TLK1: variants seen among roughly 807,000 people sequenced by gnomAD.
TLK1 encodes the protein tousled like kinase 1.
In TLK1, 24 loss-of-function variants were observed where a neutral mutation model predicts 105.3. The ratio of observed to expected loss-of-function variants is 0.23; its 90% CI spans 0.17 to 0.32. TLK1 has a LOEUF of 0.32. Among genes scored for constraint, TLK1 ranks in the 10% least tolerant of loss-of-function variants. The probability of loss-of-function intolerance (pLI) is 1.00; values close to 1 mark genes in which losing one functional copy is unlikely to be tolerated. For missense variants in TLK1, 558 were observed against 910.5 expected (o/e 0.61, Z 4.98); for synonymous variants, 321 against 310.4 (o/e 1.03, Z -0.36).
At chr2:171,042,115 G>A (rs896153754) in intron 11 of TLK1, among the ~76,000 whole-genome samples, 1 of 152,132 alleles carries the variant, frequency 6.6e-6, no homozygotes. Context: ...GGATAGAAAC[G>A]AAAGAAGACT....
At chr2:171,093,979 G>C (rs1223051335) in intron 2 of TLK1, among the ~76,000 whole-genome samples, 1 of 152,170 alleles carries the variant, frequency 6.6e-6, no homozygotes, top group Non-Finnish European at 1.5e-5. Flanking sequence ...AAGATCACCA[G>C]CCTAACCAGA....
intron 1 of TLK1, among the ~76,000 whole-genome samples, chr2:171,125,815 C>T (rs1177207928): frequency 1.3e-5 from 2 of 151,886 alleles, no homozygotes. Flanking sequence ...TTTGGTGCAC[C>T]CATCACCTGA....
At chr2:171,073,966 C>G (rs575940178) in intron 3 of TLK1, among the ~76,000 whole-genome samples, 71 of 148,462 alleles carry the variant, frequency 4.8e-4, no homozygotes, top group Admixed American at 9.6e-4. Context: ...TCTCGGCTCA[C>G]TGCAACCTTG....
chr2:171,142,676 A>G (rs1419812979), intron 1 of TLK1, among the ~76,000 whole-genome samples: 1 of 152,254 alleles, frequency 6.6e-6, no homozygotes, highest in Non-Finnish European at 1.5e-5. Flanking sequence ...ATTTGGGGAT[A>G]TTTTAACAAA....
rs547327144 is a variant in TLK1, at chr2:171,005,883, G to C, written c.1904+264C>G. 1.6e-4 allele frequency among the ~76,000 whole-genome samples: 25 copies of C among 152,222 alleles called. No homozygotes were observed. The South Asian group carries it at 5.2e-3, about 32-fold the overall frequency. ...GAAAACCCATGAATGAATTCTTCCT[G>C]TTAGGAGTTTCTGACTGGCAGGTAC... On this transcript the variant is annotated intron_variant, in intron 18 of 20. Coordinates refer to ENST00000431350, the MANE Select transcript of TLK1 (RefSeq NM_012290.5).
rs112505260 is a variant in TLK1, at chr2:171,111,647, G to A, written c.258+6092C>T. 2.3e-3 allele frequency among the ~76,000 whole-genome samples: 351 copies of A among 150,642 alleles called. 1 individual carries two copies. Among genetic ancestry groups the A allele is most frequent in the African/African-American group, 7.3e-3 (300 of 41,078 alleles). ...CCAGGCCAGGCCAAGACAGTTTTAC[G>A]TGTCTACTCATATTCTCATGAACAT... On this transcript the variant is annotated intron_variant, in intron 2 of 20. Transcript: ENST00000431350.
At chr2:171,029,308 A>G (rs1484719822) in intron 11 of TLK1, among the ~76,000 whole-genome samples, 2 of 152,190 alleles carry the variant, frequency 1.3e-5, no homozygotes, top group African/African-American at 2.4e-5. Context: ...AATAAGCAAG[A>G]TAAAAAAATG....
intron 1 of TLK1, among the ~76,000 whole-genome samples, chr2:171,142,969 G>A (rs1366074367): frequency 6.6e-6 from 1 of 152,164 alleles, no homozygotes; most frequent in Non-Finnish European, 1.5e-5. Flanking sequence ...AGCTACTCCG[G>A]AGGGATTCGC....
intron 1 of TLK1, among the ~76,000 whole-genome samples, chr2:171,173,748 G>C (rs1460909922): frequency 1.3e-5 from 2 of 152,054 alleles, no homozygotes; most frequent in Non-Finnish European, 2.9e-5. Flanking sequence ...AGCTCCAGGA[G>C]GTTCAGAATT....
chr2:171,175,224 T>C (rs147444037), intron 1 of TLK1, among the ~76,000 whole-genome samples: 1 of 152,160 alleles, frequency 6.6e-6, no homozygotes, highest in African/African-American at 2.4e-5. Flanking sequence ...CAGAGTGAGA[T>C]TGTTTCAAAA....
At chr2:171,162,288 C>G (rs1692523306), upstream of TLK1, among the ~76,000 whole-genome samples, 1 of 152,192 alleles carries the variant, frequency 6.6e-6, no homozygotes, top group Non-Finnish European at 1.5e-5. Context: ...GCCTGTAACC[C>G]CAGCACTTTG....
At chr2:171,227,910 T>G (rs1693931740) in intron 1 of TLK1, among the ~76,000 whole-genome samples, 1 of 152,144 alleles carries the variant, frequency 6.6e-6, no homozygotes, top group Non-Finnish European at 1.5e-5. Flanking sequence ...ACGCGGTGGC[T>G]CACACCTGTA....
chr2:171,030,851 T>C (rs376831323), intron 11 of TLK1, among the ~76,000 whole-genome samples: 3 of 152,188 alleles, frequency 2.0e-5, no homozygotes, highest in East Asian at 3.8e-4. Flanking sequence ...CTTGAGTTAC[T>C]TGAAATTTTT....
chr2:171,148,721 A>G (rs1159940305), intron 1 of TLK1, among the ~76,000 whole-genome samples: 5 of 151,398 alleles, frequency 3.3e-5, no homozygotes, highest in Non-Finnish European at 5.9e-5. Context: ...CCTCTCTACC[A>G]AAAATACAAA....
At chr2:171,072,370 T>C (rs561830708) in intron 3 of TLK1, among the ~76,000 whole-genome samples, 3 of 152,300 alleles carry the variant, frequency 2.0e-5, no homozygotes, top group Admixed American at 2.0e-4. Context: ...TCTCAGCACT[T>C]TGAGAGGCCA....
intron 1 of TLK1, among the ~76,000 whole-genome samples, chr2:171,210,382 C>T (rs550215633): frequency 6.6e-6 from 1 of 151,930 alleles, no homozygotes; most frequent in Admixed American, 6.6e-5. Context: ...TCCTGAGTAG[C>T]TGGGACTACA....
intron 3 of TLK1, among the ~76,000 whole-genome samples, chr2:171,080,022 A>ACTT (rs199678658): frequency 3.3e-5 from 5 of 152,092 alleles, no homozygotes; most frequent in African/African-American, 1.2e-4. Context: ...GGAGAAAGCA[A>ACTT]TTTTTTTTAA....
intron 1 of TLK1, among the ~76,000 whole-genome samples, chr2:171,120,508 A>G (rs1690611781): frequency 6.6e-6 from 1 of 152,226 alleles, no homozygotes; most frequent in Admixed American, 6.5e-5. Flanking sequence ...TCCAAAGAAG[A>G]TATGCAAATG....
chr2:171,216,205 A>G (rs536238185), intron 1 of TLK1, among the ~76,000 whole-genome samples: 4 of 152,258 alleles, frequency 2.6e-5, no homozygotes, highest in South Asian at 2.1e-4. Context: ...GGCCGGGTGC[A>G]GTGGCTCACG....
Sources: allele counts gnomAD v4.1 joint callset (sites outside exome capture counted in the v4.1 genomes callset), GRCh38; gene constraint gnomAD v4.1.1; transcripts MANE v1.5; gene names NCBI Gene and HGNC (gene_info 2026-07-23, HGNC 2026-07-21).